The following PTPRD variants were observed in gnomAD, a reference collection of about 807,000 sequenced individuals.
PTPRD encodes the protein receptor-type tyrosine-protein phosphatase delta.
Under a neutral mutation model 214.5 loss-of-function variants are expected in PTPRD, and 34 were observed. The observed-to-expected ratio is 0.16, with a 90% CI of 0.12 to 0.21. The LOEUF (loss-of-function observed/expected upper bound fraction) is 0.21. Among genes scored for constraint, PTPRD ranks in the 10% least tolerant of loss-of-function variants. The pLI is 1.00. For synonymous variants in PTPRD, 1,128 were observed against 845.7 expected, an observed-to-expected ratio of 1.33 and a Z score of -5.79; for missense variants, 2,545 against 2,398.7, an observed-to-expected ratio of 1.06 and a Z score of -1.27.
chr9:10,050,672 T>C (rs2097520044), intron 3 of PTPRD, among the ~76,000 whole-genome samples: 1 of 150,514 alleles, frequency 6.6e-6, no homozygotes, highest in Non-Finnish European at 1.5e-5. Context: ...TCAAAATATG[T>C]AAAATTGTAT....
intron 3 of PTPRD, among the ~76,000 whole-genome samples, chr9:10,156,643 T>C (rs912522045): frequency 6.6e-6 from 1 of 152,150 alleles, no homozygotes; most frequent in African/African-American, 2.4e-5. Context: ...TAGATGTCTA[T>C]CAGATCCATT....
At chr9:10,508,080 A>G (rs2046658602) in intron 2 of PTPRD, among the ~76,000 whole-genome samples, 1 of 152,218 alleles carries the variant, frequency 6.6e-6, no homozygotes, top group South Asian at 2.1e-4. Context: ...CACAATCTAC[A>G]AAGAACTCAA....
At chr9:10,094,859 C>A (rs1229015122) in intron 3 of PTPRD, among the ~76,000 whole-genome samples, 3 of 151,334 alleles carry the variant, frequency 2.0e-5, no homozygotes, top group African/African-American at 7.3e-5. Flanking sequence ...ACACTAAGTG[C>A]CAGGTTTTTA....
chr9:10,203,727 G>C (rs2099446731), intron 3 of PTPRD, among the ~76,000 whole-genome samples: 3 of 151,914 alleles, frequency 2.0e-5, no homozygotes, highest in Admixed American at 1.3e-4. Context: ...ACCTAAAATG[G>C]AAAAAAATTG....
chr9:8,391,885 T>C (rs1232213189), intron 36 of PTPRD, among the ~76,000 whole-genome samples: 1 of 152,060 alleles, frequency 6.6e-6, no homozygotes, highest in Non-Finnish European at 1.5e-5. Context: ...CAACCCTCTT[T>C]GGGTAAAAAT....
At chr9:9,909,998 G>A (rs2078737702) in intron 5 of PTPRD, among the ~76,000 whole-genome samples, 1 of 151,808 alleles carries the variant, frequency 6.6e-6, no homozygotes, top group South Asian at 2.1e-4. Context: ...CTAATTCCTT[G>A]GTGTTACTAT....
intron 3 of PTPRD, among the ~76,000 whole-genome samples, chr9:10,246,022 T>G (rs2092024689): frequency 6.6e-6 from 1 of 152,166 alleles, no homozygotes; most frequent in Non-Finnish European, 1.5e-5. Flanking sequence ...ATTTCCTATT[T>G]TGTATTTCCT....
chr9:10,485,624 T>A (rs2099127741), intron 2 of PTPRD, among the ~76,000 whole-genome samples: 3 of 152,114 alleles, frequency 2.0e-5, no homozygotes, highest in Admixed American at 1.3e-4. Flanking sequence ...TTGTGGTTAT[T>A]GTCAATGAAA....
At chr9:8,471,223 G>A in intron 30 of PTPRD, 138 bp from the exon 31 acceptor site, 1 of 681,316 alleles carries the variant, frequency 1.5e-6, no homozygotes, top group Non-Finnish European at 2.6e-6. Flanking sequence ...TTACATCAAT[G>A]ACAAATATCC....
At chr9:8,877,432 C>G (rs1292432060) in intron 11 of PTPRD, among the ~76,000 whole-genome samples, 1 of 152,036 alleles carries the variant, frequency 6.6e-6, no homozygotes, top group Non-Finnish European at 1.5e-5. Flanking sequence ...ATCTAGGGGA[C>G]TTTTATAGTG....
chr9:9,863,014 GAA>G (rs1051612974), intron 5 of PTPRD, among the ~76,000 whole-genome samples: 9 of 151,958 alleles, frequency 5.9e-5, no homozygotes, highest in Non-Finnish European at 1.2e-4. Flanking sequence ...ATGACAATAG[GAA>G]AAAAAGCACT....
At chr9:8,901,061 G>T (rs1487383691) in intron 11 of PTPRD, among the ~76,000 whole-genome samples, 1 of 152,134 alleles carries the variant, frequency 6.6e-6, no homozygotes, top group Non-Finnish European at 1.5e-5. Flanking sequence ...GACAGTATCA[G>T]GACACATGCA....
In PTPRD at chr9:8,628,490, A is replaced by T. The variant is rs571405952; in HGVS notation, c.352+4827T>A. Among the ~76,000 whole-genome samples, 43 of 151,562 alleles carry T rather than the reference A, an allele frequency of 2.8e-4. 1 individual carries two copies. The highest frequency in any genetic ancestry group is 2.6e-3 in the Admixed American group (39 of 15,178). ...AGTAACAGTCACCTTCAGGGAGCAAATTTTTTCCATCTTGCAAGAACTGAC... is the reference window on the plus strand; with the variant it reads ...AGTAACAGTCACCTTCAGGGAGCAATTTTTTTCCATCTTGCAAGAACTGAC... On this transcript the variant is annotated intron_variant, in intron 14 of 45. Coordinates refer to ENST00000381196, the MANE Select transcript of PTPRD (RefSeq NM_002839.4).
intron 14 of PTPRD, among the ~76,000 whole-genome samples, chr9:8,619,541 C>G (rs1000427022): frequency 2.0e-5 from 3 of 151,926 alleles, no homozygotes; most frequent in African/African-American, 7.3e-5. Flanking sequence ...AAGAAGTACC[C>G]TCTTAACTAG....
At chr9:10,521,411 G>A (rs10809109) in intron 2 of PTPRD, among the ~76,000 whole-genome samples, 1 of 152,038 alleles carries the variant, frequency 6.6e-6, no homozygotes, top group South Asian at 2.1e-4. Flanking sequence ...CTTGAGGTGG[G>A]ATCTACTCCT....
In PTPRD at chr9:9,323,372, G is replaced by C. The variant is rs567576342; in HGVS notation, c.-203+74077C>G. 3.9e-5 allele frequency among the ~76,000 whole-genome samples: 6 copies of C among 152,238 alleles called. No homozygotes were observed. The South Asian group carries it at 1.2e-3, about 32-fold the overall frequency. ...TTTTATTCTTGAACCAACCATGAGA[G>C]TTAGGTAGAAGTACAATTATCCTAA... On this transcript the variant is annotated intron_variant, in intron 9 of 45. Transcript: ENST00000381196.
chr9:8,588,066 G>A (rs753801208), intron 14 of PTPRD, among the ~76,000 whole-genome samples: 5 of 152,162 alleles, frequency 3.3e-5, no homozygotes, highest in African/African-American at 4.8e-5. Flanking sequence ...CCTGATCTTT[G>A]CCTATATGGT....
intron 5 of PTPRD, among the ~76,000 whole-genome samples, chr9:9,774,276 A>C (rs2098778483): frequency 6.6e-6 from 1 of 152,232 alleles, no homozygotes; most frequent in Non-Finnish European, 1.5e-5. Context: ...TAAAATTCAA[A>C]TTTCCTAAAT....
intron 44 of PTPRD, 97 bp downstream of exon 44, chr9:8,331,485 T>TA: frequency 1.4e-6 from 2 of 1,407,794 alleles, no homozygotes; most frequent in South Asian, 2.7e-5. Flanking sequence ...TTGCCAAGAA[T>TA]AAAATTTCAA....
Sources: gnomAD v4.1 joint callset for allele counts (sites outside exome capture counted in the v4.1 genomes callset) on GRCh38, gnomAD v4.1.1 for gene constraint, MANE v1.5 for transcripts, NCBI Gene and HGNC (gene_info 2026-07-23, HGNC 2026-07-21) for gene names.